The following FUT9 variants were observed in gnomAD, a reference collection of about 807,000 sequenced individuals.
FUT9 encodes 4-galactosyl-N-acetylglucosaminide 3-alpha-L-fucosyltransferase 9.
FUT9 carries 15 observed loss-of-function variants against 29.7 expected under a neutral mutation model. The ratio of observed to expected loss-of-function variants is 0.51; its 90% confidence interval spans 0.34 to 0.78. The LOEUF is 0.78. Ranked by LOEUF, FUT9 falls within the 30% of genes least tolerant of loss-of-function variation. The pLI is 0.01. For synonymous variants in FUT9, 169 were observed against 153.7 expected, an observed-to-expected ratio of 1.10 and a Z score of -0.74; for missense variants, 319 against 425.4, an observed-to-expected ratio of 0.75 and a Z score of 2.20.
intron 1 of FUT9, among the ~76,000 whole-genome samples, chr6:96,091,946 A>G (rs1024201552): frequency 6.6e-6 from 1 of 152,136 alleles, no homozygotes; most frequent in Admixed American, 6.6e-5. Context: ...TTGAAACTCT[A>G]TTAGATCAGG....
At chr6:96,074,610 C>G (rs1243898700) in intron 1 of FUT9, among the ~76,000 whole-genome samples, 1 of 151,954 alleles carries the variant, frequency 6.6e-6, no homozygotes, top group African/African-American at 2.4e-5. Flanking sequence ...TTCTTTTGAA[C>G]ATTAGGTTCA....
At chr6:96,063,618 A>G (rs1428079060) in intron 1 of FUT9, among the ~76,000 whole-genome samples, 2 of 152,144 alleles carry the variant, frequency 1.3e-5, no homozygotes, top group Non-Finnish European at 2.9e-5. Context: ...TAACTCTATC[A>G]TGGGGTATGA....
chr6:96,020,231 G>C (rs369657097), intron 1 of FUT9, among the ~76,000 whole-genome samples: 1 of 152,020 alleles, frequency 6.6e-6, no homozygotes, highest in South Asian at 2.1e-4. Flanking sequence ...GCAGTGTAAG[G>C]TTTTTCATGT....
rs1773779234 is a variant in FUT9, at chr6:96,204,003, C to T, written c.848C>T (p.Ala283Val). The T allele has an allele frequency of 2.5e-6, 4 of 1,609,238 alleles. No homozygotes were observed. The highest frequency in any genetic ancestry group is 2.5e-6 in the Non-Finnish European group (3 of 1,178,446). The part of the protein sequence containing the change: ...SRENYENYIP[A>V]DSFIHVEDYN... ...GAAAACTATGAGAATTATATTCCAG[C>T]AGATTCATTCATTCATGTGGAAGAT... Residue 283 changes from alanine (A) to valine (V), a missense_variant, in exon 3 of 3, where the codon GCA becomes GTA. By Grantham distance (64) the Ala-to-Val change is moderately conservative. Coordinates refer to ENST00000302103, the MANE Select transcript of FUT9 (RefSeq NM_006581.4).
chr6:96,132,775 T>C (rs1254974636), intron 2 of FUT9, among the ~76,000 whole-genome samples: 1 of 152,090 alleles, frequency 6.6e-6, no homozygotes, highest in African/African-American at 2.4e-5. Flanking sequence ...AAAAAGCATA[T>C]AACAGTTCCT....
chr6:96,086,380 C>T (rs186241236), intron 1 of FUT9, among the ~76,000 whole-genome samples: 1 of 152,268 alleles, frequency 6.6e-6, no homozygotes, highest in Non-Finnish European at 1.5e-5. Flanking sequence ...CAGCTTTACA[C>T]CTAGCAGTTA....
intron 2 of FUT9, among the ~76,000 whole-genome samples, chr6:96,138,570 C>A (rs964055000): frequency 6.6e-6 from 1 of 151,458 alleles, no homozygotes; most frequent in African/African-American, 2.4e-5. Flanking sequence ...AGCAAAAGCT[C>A]TTAGCACAGA....
intron 1 of FUT9, among the ~76,000 whole-genome samples, chr6:96,090,026 A>G (rs984193632): frequency 1.3e-5 from 2 of 152,116 alleles, no homozygotes; most frequent in African/African-American, 4.8e-5. Context: ...ATATGAGGAG[A>G]TTTTAACACA....
rs146862283 is a variant in FUT9, at chr6:96,072,542, A to G, written c.-97-41497A>G. ...CATGTTTAAAATTACTATTCCATAA[A>G]ATTACTAGTCCATAATGATGTCCAC... is the stretch of plus-strand genomic sequence containing the variant. On this transcript the variant is annotated intron_variant, in intron 1 of 2. Coordinates refer to ENST00000302103, the MANE Select transcript of FUT9 (RefSeq NM_006581.4). Among the ~76,000 whole-genome samples the G allele has an allele frequency of 1.9e-3, 288 of 152,290 alleles. 1 individual carries two copies. Among genetic ancestry groups the G allele is most frequent in the African/African-American group, 6.7e-3 (279 of 41,566 alleles).
intron 2 of FUT9, among the ~76,000 whole-genome samples, chr6:96,126,443 C>T (rs941134781): frequency 6.6e-5 from 10 of 152,296 alleles, no homozygotes; most frequent in African/African-American, 2.4e-4. Context: ...ATAACCAAAA[C>T]ACCTCCCTTC....
At chr6:96,162,813 T>A (rs774352783) in intron 2 of FUT9, among the ~76,000 whole-genome samples, 1 of 152,220 alleles carries the variant, frequency 6.6e-6, no homozygotes, top group South Asian at 2.1e-4. Flanking sequence ...GCTGTCATAC[T>A]GGAGCCCTTT....
intron 1 of FUT9, among the ~76,000 whole-genome samples, chr6:96,064,353 T>C (rs1445918512): frequency 1.3e-5 from 2 of 152,236 alleles, no homozygotes; most frequent in East Asian, 1.9e-4. Flanking sequence ...AGTATAGTAA[T>C]GGATCATGTG....
intron 1 of FUT9, among the ~76,000 whole-genome samples, chr6:96,041,365 T>C (rs2127932738): frequency 6.6e-6 from 1 of 152,318 alleles, no homozygotes; most frequent in Middle Eastern, 3.4e-3. Context: ...GATTTATAAC[T>C]TACATGTAAA....
chr6:96,064,599 T>C (rs9404179), intron 1 of FUT9, among the ~76,000 whole-genome samples: 84,144 of 151,684 alleles, frequency 0.55, 23,460 homozygotes, highest in South Asian at 0.64. Flanking sequence ...CTGATCTACA[T>C]TGAAAAAAAT....
chr6:96,035,815 T>C (rs1294572325), intron 1 of FUT9, among the ~76,000 whole-genome samples: 1 of 122,448 alleles, frequency 8.2e-6, no homozygotes, highest in African/African-American at 3.0e-5. Flanking sequence ...ATAATACATA[T>C]AATATATTAT....
chr6:96,110,815 C>CTATTTTTTATT (rs11283884), intron 1 of FUT9, among the ~76,000 whole-genome samples: 2,019 of 145,128 alleles, frequency 0.014, 67 homozygotes, highest in East Asian at 0.085. Context: ...ACAAATGTGC[C>CTATTTTTTATT]TATTTATTTA....
intron 1 of FUT9, among the ~76,000 whole-genome samples, chr6:96,111,268 G>T (rs930930962): frequency 6.6e-6 from 1 of 151,954 alleles, no homozygotes; most frequent in Non-Finnish European, 1.5e-5. Flanking sequence ...TCTACCCCAC[G>T]GCAGGCAGAT....
chr6:96,047,485 C>T (rs2493348), intron 1 of FUT9, among the ~76,000 whole-genome samples: 109,797 of 152,102 alleles, frequency 0.72, 40,512 homozygotes, highest in African/African-American at 0.89. Flanking sequence ...TCAATAAGAA[C>T]TGTGGATATT....
At position 96,206,994 on chromosome 6, in the gene FUT9, G is replaced by T. The variant is rs181738630; in HGVS notation, c.*2759G>T. The T allele has an allele frequency of 1.4e-4, 24 of 167,048 alleles. No homozygotes were observed. The highest frequency in any genetic ancestry group is 5.5e-4 in the African/African-American group (23 of 41,504). 10.3% of individuals were successfully genotyped at this position (167,048 alleles called of 1,614,324 possible). On this transcript the variant is annotated 3_prime_UTR_variant, in exon 3 of 3. Transcript: ENST00000302103. ...CTACTAAGTATCTAGCAGGTGCTTT[G>T]AAACCCCATTACTAAGTCCCAGAAG...
Sources: allele counts gnomAD v4.1 joint callset (sites outside exome capture counted in the v4.1 genomes callset), GRCh38; gene constraint gnomAD v4.1.1; transcripts MANE v1.5; gene names NCBI Gene and HGNC (gene_info 2026-07-23, HGNC 2026-07-21).